The following COL4A6 variants were observed in gnomAD, a reference collection of about 807,000 sequenced individuals.
The protein encoded by COL4A6 is collagen type IV alpha 6 chain, also known as collagen alpha-6(IV) chain.
Under a neutral mutation model 126.7 loss-of-function variants are expected in COL4A6, and 59 were observed. The observed-to-expected ratio is 0.47, with a 90% confidence interval of 0.38 to 0.58. The LOEUF is 0.58. Among genes scored for constraint, COL4A6 ranks in the 20% least tolerant of loss-of-function variants. COL4A6 has a pLI of 0.00. For missense variants in COL4A6, 1,285 were observed against 1,337.3 expected, an observed-to-expected ratio of 0.96 and a Z score of 0.61; for synonymous variants, 547 against 496.6, an observed-to-expected ratio of 1.10 and a Z score of -1.35.
intron 2 of COL4A6, among the ~76,000 whole-genome samples, chrX:108,342,787 A>C (rs2039598852): frequency 9.0e-6 from 1 of 110,861 alleles, no homozygotes; most frequent in South Asian, 3.8e-4. Flanking sequence ...TTGACCCTAC[A>C]TGCCCTCTAA....
chrX:108,319,382 A>G (rs911849849), intron 2 of COL4A6, among the ~76,000 whole-genome samples: 28 of 111,797 alleles, frequency 2.5e-4, no homozygotes, highest in African/African-American at 8.5e-4. Flanking sequence ...TCCAAAGTAG[A>G]TGAGATTACC....
At chrX:108,238,034 ATATCTATCTATC>A (rs59088315) in intron 3 of COL4A6, among the ~76,000 whole-genome samples, 2,944 of 86,453 alleles carry the variant, frequency 0.034, 65 homozygotes, top group African/African-American at 0.069. Flanking sequence ...TCACCTCTCT[ATATCTATCTATC>A]TATCTATCTA....
At chrX:108,402,097 T>C (rs1338554433) in intron 2 of COL4A6, among the ~76,000 whole-genome samples, 2 of 111,218 alleles carry the variant, frequency 1.8e-5, no homozygotes, top group Non-Finnish European at 3.8e-5. Flanking sequence ...ATTATCTTTT[T>C]TTCCCCTTAA....
In COL4A6 at chrX:108,171,875, C is replaced by T. The variant is rs907926716; in HGVS notation, c.3203-414G>A. Among the ~76,000 whole-genome samples the T allele has an allele frequency of 5.3e-5, 6 of 112,442 alleles. No homozygotes were observed. In the East Asian group the frequency reaches 1.4e-3, roughly 26 times the overall value. On this transcript the variant is annotated intron_variant, in intron 32 of 44. Coordinates refer to ENST00000334504, the MANE Select transcript of COL4A6 (RefSeq NM_033641.4). ...AAGTCTGGAAAGCAGATGGGCAAAA[C>T]CACAAAGCCAAAGGACAGCCTTTTC...
intron 3 of COL4A6, among the ~76,000 whole-genome samples, chrX:108,262,578 G>A (rs1002555972): frequency 2.7e-5 from 3 of 111,780 alleles, no homozygotes; most frequent in African/African-American, 9.7e-5. Flanking sequence ...GAGTCCTGCT[G>A]AACTCTACCA....
chrX:108,418,355 C>T (rs1475858267), intron 2 of COL4A6, among the ~76,000 whole-genome samples: 2 of 111,932 alleles, frequency 1.8e-5, no homozygotes, highest in Non-Finnish European at 3.8e-5. Flanking sequence ...AATTAAAAAA[C>T]AGTTCACAGA....
At chrX:108,341,197 T>C (rs1309274892) in intron 2 of COL4A6, among the ~76,000 whole-genome samples, 1 of 111,486 alleles carries the variant, frequency 9.0e-6, no homozygotes, top group Non-Finnish European at 1.9e-5. Flanking sequence ...CACAATAACA[T>C]GTGTACAAGT....
intron 3 of COL4A6, among the ~76,000 whole-genome samples, chrX:108,227,887 C>T (rs1484792468): frequency 1.8e-5 from 2 of 111,719 alleles, no homozygotes; most frequent in Non-Finnish European, 3.8e-5. Context: ...CGGATCCATT[C>T]AGATGGTTGG....
At chrX:108,292,882 G>A (rs2038198887) in intron 3 of COL4A6, among the ~76,000 whole-genome samples, 1 of 101,710 alleles carries the variant, frequency 9.8e-6, no homozygotes, top group Non-Finnish European at 2.0e-5. Context: ...CCAGGTGTTC[G>A]AGGCTGCAGT....
chrX:108,398,400 T>C (rs1359567922), intron 2 of COL4A6, among the ~76,000 whole-genome samples: 2 of 111,804 alleles, frequency 1.8e-5, no homozygotes, highest in African/African-American at 6.5e-5. Flanking sequence ...CTCAGAACAA[T>C]TCCTTAAATG....
intron 7 of COL4A6, among the ~76,000 whole-genome samples, chrX:108,210,884 C>G (rs1378262009): frequency 8.9e-6 from 1 of 111,862 alleles, no homozygotes; most frequent in Non-Finnish European, 1.9e-5. Flanking sequence ...CCACCCACCC[C>G]CATCACTGCC....
At position 108,164,979 on chromosome X, in the gene COL4A6, T is replaced by C; in HGVS notation, c.3868A>G (p.Thr1290Ala). Residue 1290 changes from threonine to alanine, a missense_variant, in exon 39 of 45, where the codon ACC (threonine) becomes GCC (alanine). Thr to Ala is a moderately conservative substitution (Grantham distance 58, BLOSUM62 0). Coordinates refer to ENST00000334504, the MANE Select transcript of COL4A6 (RefSeq NM_033641.4). ...PPGPSSNQGD[T>A]GDPGFPGIPG... ...ATTCCAGGGAAGCCAGGGTCTCCGG[T>C]GTCGCCTTGATTCGAGGATGGCCCA... is the stretch of plus-strand genomic sequence containing the variant. 1 of 1,210,696 alleles carries C rather than the reference T, an allele frequency of 8.3e-7. No individual in the cohort carries two copies. The highest frequency in any genetic ancestry group is 1.1e-6 in the Non-Finnish European group (1 of 895,124).
At position 108,351,438 on chromosome X, in the gene COL4A6, C is replaced by CTGTGTGTG. The variant is rs1210634822; in HGVS notation, c.64-40611_64-40610insCACACACA. ...GTATTAAAAAAGGAGGTAACTCTCT[C>CTGTGTGTG]TCTCTGTGTGTGTGTGTGTGTGTGT... is the stretch of plus-strand genomic sequence containing the variant. On this transcript the variant is annotated intron_variant, in intron 2 of 44. Transcript: ENST00000334504. Among the ~76,000 whole-genome samples, 18 of 81,502 alleles carry CTGTGTGTG rather than the reference C, an allele frequency of 2.2e-4. No homozygotes were observed. The East Asian group carries it at 4.4e-3, about 20-fold the overall frequency. The allele number at this position is 81,502 out of a possible 115,157, so 70.8% of individuals were successfully genotyped here.
intron 3 of COL4A6, among the ~76,000 whole-genome samples, chrX:108,299,422 G>T (rs1025170426): frequency 2.7e-5 from 3 of 110,504 alleles, no homozygotes; most frequent in African/African-American, 9.9e-5. Flanking sequence ...TCTCTCTGGG[G>T]AAACCTGGCT....
intron 2 of COL4A6, among the ~76,000 whole-genome samples, chrX:108,372,298 T>A (rs2040346914): frequency 9.0e-6 from 1 of 111,358 alleles, no homozygotes; most frequent in African/African-American, 3.3e-5. Context: ...ACCAAACAGA[T>A]CTTTGCCTAA....
intron 2 of COL4A6, among the ~76,000 whole-genome samples, chrX:108,421,083 C>T (rs1034955414): frequency 5.4e-5 from 6 of 111,903 alleles, no homozygotes; most frequent in Non-Finnish European, 9.4e-5. Flanking sequence ...ACTGTCTAAC[C>T]GGAACTACTA....
chrX:108,252,820 T>G (rs757308977), intron 3 of COL4A6, among the ~76,000 whole-genome samples: 2 of 111,903 alleles, frequency 1.8e-5, no homozygotes, highest in African/African-American at 6.5e-5. Flanking sequence ...CAAGTGGGAT[T>G]CTTCCCAGGG....
intron 2 of COL4A6, among the ~76,000 whole-genome samples, chrX:108,338,296 A>G (rs1384351261): frequency 8.9e-6 from 1 of 112,342 alleles, no homozygotes; most frequent in East Asian, 2.8e-4. Flanking sequence ...ATGCCAAGAC[A>G]GCTGCCCACA....
At chrX:108,205,313 G>A (rs184466916) in intron 11 of COL4A6, 126 bp downstream of exon 11, 58 of 567,780 alleles carry the variant, frequency 1.0e-4, no homozygotes, top group African/African-American at 8.6e-4. Context: ...ATCTATGTGG[G>A]TTGGGAAATA....
Sources: allele counts gnomAD v4.1 joint callset (sites outside exome capture counted in the v4.1 genomes callset), GRCh38; gene constraint gnomAD v4.1.1; transcripts MANE v1.5; gene names NCBI Gene and HGNC (gene_info 2026-07-23, HGNC 2026-07-21).